SCAPER: variants seen among roughly 807,000 people sequenced by gnomAD.
The protein encoded by SCAPER is S phase cyclin A-associated protein in the endoplasmic reticulum.
SCAPER carries 98 observed loss-of-function variants against 182.2 expected under a neutral mutation model. The ratio of observed to expected loss-of-function variants is 0.54; its 90% CI spans 0.46 to 0.64. SCAPER has a LOEUF of 0.64. SCAPER is among the 30% of genes least tolerant of loss of function. The probability of loss-of-function intolerance (pLI) is 0.00; values close to 1 mark genes in which losing one functional copy is unlikely to be tolerated. For synonymous variants in SCAPER, 605 were observed against 564.6 expected, an observed-to-expected ratio of 1.07 and a Z score of -1.01; for missense variants, 1,432 against 1,690.0, an observed-to-expected ratio of 0.85 and a Z score of 2.68.
In SCAPER at chr15:76,539,648, C is replaced by T. The variant is rs574457354; in HGVS notation, c.2838+34510G>A. 1.7e-3 allele frequency among the ~76,000 whole-genome samples: 247 copies of T among 149,546 alleles called. 1 individual carries two copies. Among genetic ancestry groups the T allele is most frequent in the Non-Finnish European group, 3.0e-3 (204 of 67,758 alleles). On this transcript the variant is annotated intron_variant, in intron 23 of 31. Transcript: ENST00000563290. ...CAGGCTCCGCCCCTTGGGGTTCATG[C>T]CATTCTCCTGCCTCAGCCTCCCGAG... is the stretch of plus-strand genomic sequence containing the variant.
rs148709535 is a variant in SCAPER, at chr15:76,554,615, G to A, written c.2838+19543C>T. ...AGTTCTTTCTACTTATCATTGCTTT[G>A]GCTATTTTTCATGTCTCCAAGGTCG... On this transcript the variant is annotated intron_variant, in intron 23 of 31. Transcript: ENST00000563290. Among the ~76,000 whole-genome samples, 571 of 151,686 alleles carry A rather than the reference G, an allele frequency of 3.8e-3. 4 individuals carry two copies. Among genetic ancestry groups the A allele is most frequent in the African/African-American group, 0.013 (557 of 41,386 alleles).
At chr15:76,423,610 TC>T (rs2046211314) in intron 26 of SCAPER, among the ~76,000 whole-genome samples, 1 of 152,206 alleles carries the variant, frequency 6.6e-6, no homozygotes, top group Non-Finnish European at 1.5e-5. Flanking sequence ...TTTTTGTTTC[TC>T]CATCTCCTTC....
chr15:76,520,879 C>T (rs2042781842), intron 23 of SCAPER, among the ~76,000 whole-genome samples: 2 of 152,128 alleles, frequency 1.3e-5, no homozygotes, highest in South Asian at 4.1e-4. Context: ...CACTGAAAAA[C>T]AAAATTGTTT....
chr15:76,626,632 G>A (rs950084511), intron 21 of SCAPER, among the ~76,000 whole-genome samples: 5 of 152,184 alleles, frequency 3.3e-5, no homozygotes, highest in African/African-American at 4.8e-5. Flanking sequence ...CATGAGAATC[G>A]CTTGAACCTG....
At chr15:76,902,857 G>A (rs997225627) in intron 1 of SCAPER, among the ~76,000 whole-genome samples, 1 of 152,144 alleles carries the variant, frequency 6.6e-6, no homozygotes, top group African/African-American at 2.4e-5. Flanking sequence ...AGGAGTTTGA[G>A]ACCAGCATGG....
intron 23 of SCAPER, among the ~76,000 whole-genome samples, chr15:76,548,172 C>T (rs939712437): frequency 1.3e-4 from 20 of 151,652 alleles, no homozygotes; most frequent in African/African-American, 4.1e-4. Flanking sequence ...TACATAAACA[C>T]GCTCTTTGAG....
At chr15:76,853,879 C>T (rs1174979283) in intron 4 of SCAPER, among the ~76,000 whole-genome samples, 1 of 152,178 alleles carries the variant, frequency 6.6e-6, no homozygotes, top group East Asian at 1.9e-4. Context: ...GTCAAAATAT[C>T]CATTTGCAGA....
intron 15 of SCAPER, among the ~76,000 whole-genome samples, chr15:76,741,044 AGAAT>A (rs900890264): frequency 2.6e-5 from 4 of 152,150 alleles, no homozygotes; most frequent in African/African-American, 9.6e-5. Flanking sequence ...AATTCTTATG[AGAAT>A]GAATTCTTGT....
chr15:76,646,712 A>C (rs2054577488), intron 21 of SCAPER, among the ~76,000 whole-genome samples: 1 of 152,226 alleles, frequency 6.6e-6, no homozygotes, highest in African/African-American at 2.4e-5. Context: ...TCTGCCTATC[A>C]AAACTTTCAA....
intron 20 of SCAPER, among the ~76,000 whole-genome samples, chr15:76,682,043 G>A (rs1303191323): frequency 6.6e-6 from 1 of 152,158 alleles, no homozygotes; most frequent in Non-Finnish European, 1.5e-5. Context: ...ACCACTTGGA[G>A]CTCTGCCTCA....
chr15:76,418,008 C>T (rs1199971023), intron 26 of SCAPER, among the ~76,000 whole-genome samples: 1 of 151,976 alleles, frequency 6.6e-6, no homozygotes, highest in Admixed American at 6.5e-5. Context: ...CAGAGCAAGA[C>T]TCCGTCTCAA....
At chr15:76,500,260 G>A (rs974222322) in intron 24 of SCAPER, among the ~76,000 whole-genome samples, 2 of 152,198 alleles carry the variant, frequency 1.3e-5, no homozygotes, top group African/African-American at 4.8e-5. Flanking sequence ...CCACAGGGAC[G>A]ATGAAGAGAT....
intron 26 of SCAPER, among the ~76,000 whole-genome samples, chr15:76,429,600 T>A (rs776458166): frequency 2.0e-5 from 3 of 152,072 alleles, no homozygotes; most frequent in Non-Finnish European, 4.4e-5. Context: ...CCTTAGAGAT[T>A]TGTGGAAATT....
chr15:76,450,519 T>C (rs758325609), intron 25 of SCAPER, among the ~76,000 whole-genome samples: 1 of 152,192 alleles, frequency 6.6e-6, no homozygotes, highest in East Asian at 1.9e-4. Flanking sequence ...GACTCACCAA[T>C]TGATAACATT....
At chr15:76,644,177 C>T (rs926711528) in intron 21 of SCAPER, among the ~76,000 whole-genome samples, 1 of 152,068 alleles carries the variant, frequency 6.6e-6, no homozygotes, top group Admixed American at 6.6e-5. Context: ...CATTCTCTTA[C>T]AAGCACACAG....
intron 22 of SCAPER, among the ~76,000 whole-genome samples, chr15:76,589,259 G>C (rs1264270737): frequency 6.6e-6 from 1 of 152,100 alleles, no homozygotes; most frequent in Non-Finnish European, 1.5e-5. Context: ...GGATCTGGCG[G>C]TGGGTGGGGC....
chr15:76,812,899 G>GAA (rs199538401), intron 5 of SCAPER, among the ~76,000 whole-genome samples: 2,662 of 145,044 alleles, frequency 0.018, 33 homozygotes, highest in East Asian at 0.055. Context: ...AATACTTCCA[G>GAA]AAAAAAAAAA....
chr15:76,794,158 T>C (rs2065174042), intron 8 of SCAPER, among the ~76,000 whole-genome samples: 1 of 152,164 alleles, frequency 6.6e-6, no homozygotes, highest in Admixed American at 6.5e-5. Flanking sequence ...TGGTCCAAAA[T>C]AAAATTTCCC....
intron 23 of SCAPER, among the ~76,000 whole-genome samples, chr15:76,572,889 A>T (rs895804785): frequency 2.2e-4 from 31 of 142,936 alleles, no homozygotes; most frequent in African/African-American, 8.1e-4. Context: ...GCTTGCGTGC[A>T]CTCTCTCTCT....
Sources: gnomAD v4.1 joint callset for allele counts (sites outside exome capture counted in the v4.1 genomes callset) on GRCh38, gnomAD v4.1.1 for gene constraint, MANE v1.5 for transcripts, NCBI Gene and HGNC (gene_info 2026-07-23, HGNC 2026-07-21) for gene names.